MTG2: variants seen among roughly 807,000 people sequenced by gnomAD.
MTG2 encodes mitochondrial ribosome associated GTPase 2, also known as mitochondrial ribosome-associated GTPase 2.
Under a neutral mutation model 28.6 loss-of-function variants are expected in MTG2, and 23 were observed. The observed-to-expected ratio is 0.80, with a 90% CI of 0.58 to 1.14. MTG2 has a LOEUF of 1.14. Ranked by LOEUF, MTG2 falls within the 50% of genes most tolerant of loss-of-function variation. MTG2 has a pLI of 0.00. For missense variants in MTG2, 539 were observed against 552.0 expected (o/e 0.98, Z 0.24); for synonymous variants, 260 against 251.8 (o/e 1.03, Z -0.31).
intron 5 of MTG2, 35 bp downstream of exon 5, chr20:62,198,887 ACTCAG>A: frequency 6.2e-7 from 1 of 1,611,612 alleles, no homozygotes; most frequent in South Asian, 1.1e-5. Context: ...ATCTGCACAC[ACTCAG>A]CTCTAGAAAA....
chr20:62,197,807 G>A lies in MTG2; in HGVS notation c.353-45G>A, dbSNP rs1601099650. On this transcript the variant is annotated intron_variant, in intron 3 of 6. Coordinates refer to ENST00000370823, the MANE Select transcript of MTG2 (RefSeq NM_015666.4). ...CCCAGACACATCAGCAATAGGCCAT[G>A]GTTGTCGTAACACAAAGGGACTGAG... 1.3e-5 allele frequency: 21 copies of A among 1,560,258 alleles called. No homozygotes were observed. In the East Asian group the frequency reaches 4.7e-4, roughly 35 times the overall value.
rs2058105366 is a variant in MTG2 at position 62,198,730 on chromosome 20, G to A, written c.565G>A (p.Gly189Arg). The change falls in exon 5 of 7, where the codon GGG (glycine) becomes AGG (arginine). Residue 189 changes from glycine (G) to arginine (R), a missense_variant. Transcript: ENST00000370823. ...EYIAALGGAG[G>R]KGNRFFLANN... is the part of the protein sequence containing the mutation. ...CATTGCCGCGCTGGGCGGGGCAGGA[G>A]GGAAAGGCAACCGCTTCTTCCTGGC... 6.2e-7 allele frequency: 1 copy of A among 1,609,712 alleles called. No homozygotes were observed. Among genetic ancestry groups the A allele is most frequent in the Non-Finnish European group, 8.5e-7 (1 of 1,177,016 alleles).
rs1188014437 is a variant in MTG2, at chr20:62,191,690, T to C, written c.-5-1726T>C. Among the ~76,000 whole-genome samples, 3 of 152,160 alleles carry C rather than the reference T, an allele frequency of 2.0e-5. No homozygotes were observed. In the East Asian group the frequency reaches 5.8e-4, roughly 29 times the overall value. ...CCGTGTTGAGTTTTCAGCCGTCCAC[T>C]GGGGCCCCTTCTGTACACATCTTTT... On this transcript the variant is annotated intron_variant, in intron 1 of 6. Coordinates refer to ENST00000370823, the MANE Select transcript of MTG2 (RefSeq NM_015666.4).
chr20:62,190,264 C>T (rs2057930432), intron 1 of MTG2, among the ~76,000 whole-genome samples: 1 of 152,228 alleles, frequency 6.6e-6, no homozygotes, highest in South Asian at 2.1e-4. Flanking sequence ...CCTCGAATCC[C>T]CTCCTGACCT....
At chr20:62,195,195 CA>C (rs920905295) in intron 2 of MTG2, among the ~76,000 whole-genome samples, 3 of 151,762 alleles carry the variant, frequency 2.0e-5, no homozygotes, top group African/African-American at 7.3e-5. Flanking sequence ...GACTCTGCCT[CA>C]AAAAAAACCA....
chr20:62,185,324 A>C (rs1283662797), intron 1 of MTG2, among the ~76,000 whole-genome samples: 1 of 152,130 alleles, frequency 6.6e-6, no homozygotes, highest in Admixed American at 6.5e-5. Flanking sequence ...AGGCAGGAGA[A>C]TCCCTTGAAC....
chr20:62,194,301 T>C (rs1006534936), intron 2 of MTG2, among the ~76,000 whole-genome samples: 1 of 152,168 alleles, frequency 6.6e-6, no homozygotes, highest in Non-Finnish European at 1.5e-5. Context: ...CAGATAAGCA[T>C]TACTGGGACA....
At chr20:62,199,057 A>G in intron 5 of MTG2, 62 bp from the exon 6 acceptor site, 1 of 1,605,918 alleles carries the variant, frequency 6.2e-7, no homozygotes, top group Non-Finnish European at 8.5e-7. Context: ...AGTTAGTTAC[A>G]GACTCTGCGC....
chr20:62,183,415 T>G (rs2057763940), intron 1 of MTG2, among the ~76,000 whole-genome samples: 1 of 152,242 alleles, frequency 6.6e-6, no homozygotes, highest in African/African-American at 2.4e-5. Context: ...GTTAGGAATT[T>G]GCCTTGATCC....
intron 1 of MTG2, among the ~76,000 whole-genome samples, chr20:62,188,355 C>G (rs766849707): frequency 6.6e-6 from 1 of 151,884 alleles, no homozygotes; most frequent in Non-Finnish European, 1.5e-5. Flanking sequence ...CCCCCCAGCC[C>G]CACCACAGAA....
chr20:62,188,117 C>T (rs949910368), intron 1 of MTG2, among the ~76,000 whole-genome samples: 5 of 133,264 alleles, frequency 3.8e-5, no homozygotes, highest in Non-Finnish European at 4.7e-5. Context: ...GGCGACAGTG[C>T]GAGACTGTCT....
chr20:62,198,214 T>A, intron 4 of MTG2: 1 of 545,942 alleles, frequency 1.8e-6, no homozygotes, highest in Non-Finnish European at 3.3e-6. Flanking sequence ...AACGATTCTC[T>A]TTTAAAAAGA....
In MTG2 at chr20:62,198,765, C is replaced by G. The variant is rs536129597; in HGVS notation, c.600C>G (p.Asn200Lys). The G allele has an allele frequency of 4.3e-6, 7 of 1,614,148 alleles. No individual in the cohort carries two copies. The East Asian group carries it at 1.6e-4, about 36-fold the overall frequency. The change falls in exon 5 of 7, where the codon AAC becomes AAG. Residue 200 changes from asparagine to lysine, a missense_variant. Physicochemically the swap from Asn to Lys is moderately conservative, Grantham distance 94 (BLOSUM62 0). Transcript: ENST00000370823. ...ACCGCTTCTTCCTGGCCAACAACAA[C>G]CGTGCCCCTGTGACCTGTACCCCTG... The part of the protein sequence containing the change: ...KGNRFFLANN[N>K]RAPVTCTPGQ...
Position 62,196,675 on chromosome 20 carries a change from AAC to A in MTG2, c.352+728_352+729del, listed in dbSNP as rs201247715. ...ACAGAGGAAGACCCTATCTCAAAAA[AAC>A]AAAACAAAACAAACAAACAAAAAAA... On this transcript the variant is annotated intron_variant, in intron 3 of 6. Transcript: ENST00000370823. Among the ~76,000 whole-genome samples the A allele has an allele frequency of 6.7e-3, 862 of 128,150 alleles. 30 individuals carry two copies. The East Asian group carries it at 0.23, about 34-fold the overall frequency. The allele number at this position is 128,150 out of a possible 152,430, so 84.1% of individuals were successfully genotyped here.
chr20:62,190,821 C>T (rs571508174), intron 1 of MTG2, among the ~76,000 whole-genome samples: 19 of 152,320 alleles, frequency 1.2e-4, no homozygotes, highest in African/African-American at 4.1e-4. Context: ...GCACCTTGTC[C>T]ACAAATCTAA....
Position 62,198,614 on chromosome 20 carries a change from G to A in MTG2, c.469-20G>A. The A allele has an allele frequency of 6.2e-7, 1 of 1,611,066 alleles. No individual in the cohort carries two copies. The highest frequency in any genetic ancestry group is 2.2e-5 in the East Asian group (1 of 44,826). The stretch of plus-strand genomic sequence containing the variant: ...TCACTGCTGGTAGAGCTCAGCTGAT[G>A]AGTGCCTGCTGTTCCCCAGGTCCCC... On this transcript the variant is annotated intron_variant, in intron 4 of 6. Transcript: ENST00000370823.
intron 1 of MTG2, among the ~76,000 whole-genome samples, chr20:62,191,432 C>T (rs1177410590): frequency 1.3e-5 from 2 of 152,146 alleles, no homozygotes; most frequent in African/African-American, 4.8e-5. Context: ...GTCCAGTCGG[C>T]GACTGACTCT....
intron 1 of MTG2, among the ~76,000 whole-genome samples, chr20:62,192,117 G>A (rs2057971915): frequency 1.3e-5 from 2 of 152,200 alleles, no homozygotes; most frequent in Admixed American, 6.5e-5. Flanking sequence ...TGACCCTGCC[G>A]CGGTTATCAG....
intron 1 of MTG2, among the ~76,000 whole-genome samples, chr20:62,190,515 A>T (rs1246251956): frequency 1.3e-5 from 2 of 152,140 alleles, no homozygotes; most frequent in Non-Finnish European, 2.9e-5. Flanking sequence ...TTAGTGACAA[A>T]CTATGTTCGT....
Sources: gnomAD v4.1 joint callset for allele counts (sites outside exome capture counted in the v4.1 genomes callset) on GRCh38, gnomAD v4.1.1 for gene constraint, MANE v1.5 for transcripts, NCBI Gene and HGNC (gene_info 2026-07-23, HGNC 2026-07-21) for gene names.